The following C9orf153 variants were observed in gnomAD, a reference collection of about 807,000 sequenced individuals.
The protein encoded by C9orf153 is uncharacterized protein C9orf153.
Under a neutral mutation model 9.0 loss-of-function variants are expected in C9orf153, and 10 were observed. The ratio of observed to expected loss-of-function variants is 1.11; its 90% CI spans 0.69 to 1.89. The LOEUF (loss-of-function observed/expected upper bound fraction) is 1.89, where lower values mean the gene tolerates loss of function less well. Among genes scored for constraint, C9orf153 ranks in the 40% most tolerant of loss-of-function variants. The pLI is 0.00. For synonymous variants in C9orf153, 35 were observed against 37.3 expected (o/e 0.94, Z 0.23); for missense variants, 108 against 111.0 (o/e 0.97, Z 0.12).
intron 2 of C9orf153, among the ~76,000 whole-genome samples, chr9:86,229,334 C>G (rs373961109): frequency 6.6e-6 from 1 of 151,812 alleles, no homozygotes; most frequent in African/African-American, 2.4e-5. Context: ...CACACTATCA[C>G]GAAAACAGCT....
chr9:86,232,217 A>G (rs1230327611), intron 1 of C9orf153, among the ~76,000 whole-genome samples: 1 of 152,230 alleles, frequency 6.6e-6, no homozygotes, highest in Admixed American at 6.5e-5. Context: ...CTCTTTGCTA[A>G]ACTACCGTTG....
At chr9:86,258,252 G>C (rs1453033349) in intron 1 of C9orf153, 3 of 143,806 alleles carry the variant, frequency 2.1e-5, no homozygotes, top group African/African-American at 7.8e-5. Flanking sequence ...TGAGGCAGGA[G>C]AATCACTTGA....
intron 2 of C9orf153, chr9:86,228,970 G>A (rs1024405565): frequency 1.1e-5 from 3 of 271,756 alleles, no homozygotes; most frequent in African/African-American, 2.3e-5. Context: ...TCTCAGTTAC[G>A]CCAACTTCAA....
intron 1 of C9orf153, among the ~76,000 whole-genome samples, chr9:86,232,891 C>G (rs1429523755): frequency 6.6e-6 from 1 of 152,016 alleles, no homozygotes; most frequent in East Asian, 1.9e-4. Flanking sequence ...CGCCACCACA[C>G]CCGGCTAATT....
chr9:86,259,321 C>T (rs927609560), intron 1 of C9orf153, among the ~76,000 whole-genome samples: 22 of 152,046 alleles, frequency 1.4e-4, no homozygotes, highest in African/African-American at 5.3e-4. Context: ...AGGCTCGGCC[C>T]GATCAACTGG....
chr9:86,230,535 A>G (rs1051802794), intron 1 of C9orf153, among the ~76,000 whole-genome samples: 9 of 152,298 alleles, frequency 5.9e-5, no homozygotes, highest in African/African-American at 2.2e-4. Context: ...TCCTGACCTC[A>G]GGTGATCCAC....
At position 86,235,620 on chromosome 9, in the gene C9orf153, A is replaced by G. The variant is rs574204829; in HGVS notation, c.-26-5991T>C. ...AAATACAAAAATTAGCCAGGCGTGG[A>G]GGCATGTGCTACTCGGGAGGCTGAG... On this transcript the variant is annotated intron_variant, in intron 1 of 3. Transcript: ENST00000339137. Among the ~76,000 whole-genome samples, 11 of 150,924 alleles carry G rather than the reference A, an allele frequency of 7.3e-5. No individual in the cohort carries two copies. The South Asian group carries it at 1.3e-3, about 17-fold the overall frequency.
intron 1 of C9orf153, among the ~76,000 whole-genome samples, chr9:86,243,031 G>A (rs1824783287): frequency 6.6e-6 from 1 of 152,192 alleles, no homozygotes; most frequent in South Asian, 2.1e-4. Flanking sequence ...TGAAAGAGGG[G>A]CTTTGGCACT....
chr9:86,248,176 C>T (rs1824910148), intron 1 of C9orf153, among the ~76,000 whole-genome samples: 2 of 152,092 alleles, frequency 1.3e-5, no homozygotes, highest in African/African-American at 4.8e-5. Context: ...CTCTGTTGCC[C>T]AGGCTGGAGT....
intron 3 of C9orf153, among the ~76,000 whole-genome samples, chr9:86,223,496 G>A (rs1303611491): frequency 6.6e-6 from 1 of 151,940 alleles, no homozygotes; most frequent in East Asian, 1.9e-4. Flanking sequence ...GAAGCTTCAC[G>A]TCATGATCTC....
chr9:86,251,914 T>TACACAC (rs34620205), intron 1 of C9orf153, among the ~76,000 whole-genome samples: 25 of 140,242 alleles, frequency 1.8e-4, no homozygotes, highest in African/African-American at 3.9e-4. Context: ...TTAGGTAAAC[T>TACACAC]ACACACACAC....
Position 86,221,417 on chromosome 9 carries a change from T to C in C9orf153, c.*271A>G, listed in dbSNP as rs551810514. 8.9e-6 allele frequency: 5 copies of C among 561,210 alleles called. No individual in the cohort carries two copies. The South Asian group carries it at 2.0e-4, about 22-fold the overall frequency. The allele number at this position is 561,210 out of a possible 1,614,324, so 34.8% of individuals were successfully genotyped here. On this transcript the variant is annotated 3_prime_UTR_variant, in exon 4 of 4. Coordinates refer to ENST00000339137, the MANE Select transcript of C9orf153 (RefSeq NM_001276366.4). ...CACTCACTTCAGATGTTCTATTGGGTACTTGGCTTCTTTACTTTTTGTGTA... is the reference window on the plus strand; with the variant it reads ...CACTCACTTCAGATGTTCTATTGGGCACTTGGCTTCTTTACTTTTTGTGTA...
intron 1 of C9orf153, among the ~76,000 whole-genome samples, chr9:86,231,618 T>A (rs1415271960): frequency 6.6e-6 from 1 of 151,482 alleles, no homozygotes; most frequent in Non-Finnish European, 1.5e-5. Context: ...TATATATACA[T>A]GTATGTATAT....
chr9:86,246,889 T>C (rs1009598472), intron 1 of C9orf153, among the ~76,000 whole-genome samples: 1 of 152,192 alleles, frequency 6.6e-6, no homozygotes, highest in African/African-American at 2.4e-5. Flanking sequence ...AGTATTTACT[T>C]TTGAAAACGG....
intron 1 of C9orf153, among the ~76,000 whole-genome samples, chr9:86,239,302 G>T (rs1164511804): frequency 1.4e-4 from 21 of 151,754 alleles, no homozygotes; most frequent in Non-Finnish European, 1.5e-5. Flanking sequence ...AATGTTAACA[G>T]TTCCATCTAG....
At chr9:86,227,783 G>T in intron 3 of C9orf153, 72 bp downstream of exon 3, 1 of 1,529,346 alleles carries the variant, frequency 6.5e-7, no homozygotes, top group Non-Finnish European at 8.8e-7. Flanking sequence ...GGGAGAGAGT[G>T]AGCTTGCCAG....
chr9:86,236,548 C>CAAAAAAAAAAAAA (rs976982879), intron 1 of C9orf153, among the ~76,000 whole-genome samples: 6 of 65,330 alleles, frequency 9.2e-5, no homozygotes, highest in Non-Finnish European at 1.3e-4. Flanking sequence ...GACTCCATCT[C>CAAAAAAAAAAAAA]AAAAAAAAAA....
At chr9:86,225,925 A>G (rs1238510868) in intron 3 of C9orf153, among the ~76,000 whole-genome samples, 1 of 152,254 alleles carries the variant, frequency 6.6e-6, no homozygotes, top group Non-Finnish European at 1.5e-5. Context: ...GGTAACCAGC[A>G]GGTAATTCAT....
intron 3 of C9orf153, among the ~76,000 whole-genome samples, chr9:86,224,316 G>A (rs1824269616): frequency 1.3e-5 from 2 of 152,102 alleles, no homozygotes; most frequent in African/African-American, 4.8e-5. Context: ...GAGCCCAGAA[G>A]GTTGAGGCTG....
Sources: gnomAD v4.1 joint callset for allele counts (sites outside exome capture counted in the v4.1 genomes callset) on GRCh38, gnomAD v4.1.1 for gene constraint, MANE v1.5 for transcripts, NCBI Gene and HGNC (gene_info 2026-07-23, HGNC 2026-07-21) for gene names.